The following MCOLN1 variants were observed in gnomAD, a reference collection of about 807,000 sequenced individuals.
The protein encoded by MCOLN1 is mucolipin TRP cation channel 1.
MCOLN1 carries 50 observed loss-of-function variants against 70.3 expected under a neutral mutation model. That is an observed-to-expected ratio of 0.71 (90% CI 0.57 to 0.90). The LOEUF is 0.90. Among genes scored for constraint, MCOLN1 ranks in the 40% least tolerant of loss-of-function variants. MCOLN1 has a pLI of 0.00. For synonymous variants in MCOLN1, 366 were observed against 341.0 expected (o/e 1.07, Z -0.81); for missense variants, 598 against 803.5 (o/e 0.74, Z 3.09).
rs751832883 is a variant in MCOLN1, at chr19:7,528,699, A to G, written c.980A>G (p.Gln327Arg). The change falls in exon 8 of 14, where the codon CAG becomes CGG. Residue 327 changes from glutamine (Q) to arginine (R), a missense_variant. Transcript: ENST00000264079. This position sits in a 1 kb window ranked among gnomAD's most constrained non-coding sequence, Gnocchi z 4.2. ...ARSLLRGFLL[Q>R]NEFVGFMWRQ... ...TCACTCCTTCGAGGCTTCCTGCTGCAGAACGTGAGGCTTCTGCGTCATGTG... is the reference window on the plus strand; with the variant it reads ...TCACTCCTTCGAGGCTTCCTGCTGCGGAACGTGAGGCTTCTGCGTCATGTG... 3.7e-6 allele frequency: 6 copies of G among 1,614,158 alleles called. No individual in the cohort carries two copies. In the South Asian group the frequency reaches 6.6e-5, roughly 18 times the overall value.
rs757319816 is a variant in MCOLN1 at position 7,533,608 on chromosome 19, G to A, written c.1661G>A (p.Arg554His). ...GACAGCCCCACCTCCGGCAAGTTCCGCCGCGGGAGCGGCTCGGCCTGCAGC... is the reference window on the plus strand; with the variant it reads ...GACAGCCCCACCTCCGGCAAGTTCCACCGCGGGAGCGGCTCGGCCTGCAGC... ...CQDSPTSGKF[R>H]RGSGSACSLL... The change falls in exon 13 of 14, where the codon CGC becomes CAC. Residue 554 changes from arginine to histidine, a missense_variant. Coordinates refer to ENST00000264079, the MANE Select transcript of MCOLN1 (RefSeq NM_020533.3). 20 of 1,613,472 alleles carry A rather than the reference G, an allele frequency of 1.2e-5. No homozygotes were observed. In the East Asian group the frequency reaches 4.5e-4, roughly 36 times the overall value.
At position 7,526,735 on chromosome 19, in the gene MCOLN1, C is replaced by T. The variant is rs754911755; in HGVS notation, c.406-26C>T. 1.9e-5 allele frequency: 31 copies of T among 1,612,516 alleles called. No individual in the cohort carries two copies. Among genetic ancestry groups the T allele is most frequent in the Middle Eastern group, 1.9e-4 (1 of 5,266 alleles). The stretch of plus-strand genomic sequence containing the variant: ...GGCTGCAGAGAGCGGGCCGGACTCA[C>T]AGGCCCTCCCCTTCTCTGCCCACAG... On this transcript the variant is annotated intron_variant, in intron 3 of 13. Transcript: ENST00000264079. The surrounding 1 kb of genome is among the most constrained non-coding windows in gnomAD (Gnocchi z 4.6).
In MCOLN1 at chr19:7,530,378, G is replaced by A; in HGVS notation, c.1452G>A (p.Gln484=). 6.2e-7 allele frequency: 1 copy of A among 1,613,930 alleles called. No individual in the cohort carries two copies. Among genetic ancestry groups the A allele is most frequent in the South Asian group, 1.1e-5 (1 of 91,090 alleles). ...FVTFAAMQAQ[Q]GRSSLVWLFS... The stretch of plus-strand genomic sequence containing the variant: ...CGTTCGCCGCCATGCAGGCGCAGCA[G>A]GGCCGCAGCAGCCTGGTGTGGCTCT... The change falls in exon 12 of 14, where the codon CAG becomes CAA. Residue 484 remains glutamine (Q), a synonymous_variant. Coordinates refer to ENST00000264079, the MANE Select transcript of MCOLN1 (RefSeq NM_020533.3).
Position 7,524,861 on chromosome 19 carries a change from G to T in MCOLN1, c.32-100G>T. The T allele has an allele frequency of 1.1e-6, 1 of 949,442 alleles. No homozygotes were observed. Among genetic ancestry groups the T allele is most frequent in the African/African-American group, 1.6e-5 (1 of 61,490 alleles). The allele number at this position is 949,442 out of a possible 1,614,324, so 58.8% of individuals were successfully genotyped here. A position where few individuals can be genotyped will look rare whatever the true frequency, so the allele number is the denominator to read the frequency against. ...CAGAGCTCTTCCTTGGCAGGAGCATGGGGACATGAAGATAGGGCGTGTGCT... is the reference window on the plus strand; with the variant it reads ...CAGAGCTCTTCCTTGGCAGGAGCATTGGGACATGAAGATAGGGCGTGTGCT... On this transcript the variant is annotated intron_variant, in intron 1 of 13. Coordinates refer to ENST00000264079, the MANE Select transcript of MCOLN1 (RefSeq NM_020533.3). This position sits in a 1 kb window ranked among gnomAD's most constrained non-coding sequence, Gnocchi z 4.1.
At chr19:7,527,823 C>G in intron 5 of MCOLN1, 41 bp from the exon 6 acceptor site, 1 of 1,511,292 alleles carries the variant, frequency 6.6e-7, no homozygotes, top group Admixed American at 1.7e-5. Context: ...CCGGAAGGGA[C>G]CCGAAGACGC....
chr19:7,527,283 A>C (rs1001243602), intron 4 of MCOLN1: 42 of 544,406 alleles, frequency 7.7e-5, no homozygotes, highest in Middle Eastern at 5.1e-4. Flanking sequence ...AAAAAAAAAA[A>C]AAAAAAAAAA....
chr19:7,532,998 G>A (rs1001906028), intron 12 of MCOLN1, among the ~76,000 whole-genome samples: 1 of 152,240 alleles, frequency 6.6e-6, no homozygotes, highest in African/African-American at 2.4e-5. Flanking sequence ...GTGAGAGGAA[G>A]GAAGCCTTGG....
At position 7,524,188 on chromosome 19, in the gene MCOLN1, G is replaced by C. The variant is rs902739983; in HGVS notation, c.32-773G>C. Among the ~76,000 whole-genome samples, 4 of 152,166 alleles carry C rather than the reference G, an allele frequency of 2.6e-5. No individual in the cohort carries two copies. Among genetic ancestry groups the C allele is most frequent in the African/African-American group, 9.7e-5 (4 of 41,422 alleles). ...AAAATTTCCACTCTTCAGATGAGGAGATGGAGGCTCAGGGAGGTACCTGGA... is the reference window on the plus strand; with the variant it reads ...AAAATTTCCACTCTTCAGATGAGGACATGGAGGCTCAGGGAGGTACCTGGA... On this transcript the variant is annotated intron_variant, in intron 1 of 13. Coordinates refer to ENST00000264079, the MANE Select transcript of MCOLN1 (RefSeq NM_020533.3). This position sits in a 1 kb window ranked among gnomAD's most constrained non-coding sequence, Gnocchi z 4.1.
chr19:7,532,883 G>A (rs1393862892), intron 12 of MCOLN1, among the ~76,000 whole-genome samples: 1 of 152,192 alleles, frequency 6.6e-6, no homozygotes, highest in African/African-American at 2.4e-5. Flanking sequence ...CTAGACTGAA[G>A]AGATGGGAGC....
At position 7,529,633 on chromosome 19, in the gene MCOLN1, G is replaced by A; in HGVS notation, c.1280G>A (p.Arg427His). ...TLRVALPSVM[R>H]FCCCVAVIYL... The stretch of plus-strand genomic sequence containing the variant: ...CGGGTGGCCCTGCCCAGCGTCATGC[G>A]CTTCTGCTGCTGCGTGGCTGTCATC... Residue 427 changes from arginine to histidine, a missense_variant, in exon 11 of 14, where the codon CGC (arginine) becomes CAC (histidine). Physicochemically the swap from Arg to His is conservative, Grantham distance 29. Coordinates refer to ENST00000264079, the MANE Select transcript of MCOLN1 (RefSeq NM_020533.3). 1.9e-6 allele frequency: 3 copies of A among 1,614,096 alleles called. No homozygotes were observed. The highest frequency in any genetic ancestry group is 2.5e-6 in the Non-Finnish European group (3 of 1,179,978).
In MCOLN1 at chr19:7,528,540, C is replaced by T. The variant is rs1257192960; in HGVS notation, c.878-57C>T. 2.5e-5 allele frequency: 40 copies of T among 1,608,688 alleles called. No homozygotes were observed. In the East Asian group the frequency reaches 8.7e-4, roughly 35 times the overall value. ...TCTCCAGCCTGGCCTGGCACCAATG[C>T]TAGCCTCCCAAGGCTCCATGCCATC... is the stretch of plus-strand genomic sequence containing the variant. On this transcript the variant is annotated intron_variant, in intron 7 of 13. Coordinates refer to ENST00000264079, the MANE Select transcript of MCOLN1 (RefSeq NM_020533.3). This position sits in a 1 kb window ranked among gnomAD's most constrained non-coding sequence, Gnocchi z 4.2.
At chr19:7,531,208 A>T (rs575901036) in intron 12 of MCOLN1, among the ~76,000 whole-genome samples, 14 of 146,034 alleles carry the variant, frequency 9.6e-5, no homozygotes, top group South Asian at 4.4e-4. Flanking sequence ...TATTATTATT[A>T]TTTTTTTTTT....
rs2022557192 is a variant in MCOLN1, at chr19:7,525,549, A to G, written c.237+383A>G. Reference sequence around the variant, plus strand: ...GAGGTTAGGAGACTTGCCCAAAGTCACACAGCAATAGAACATTGGGAGCTG... The same window carrying G: ...GAGGTTAGGAGACTTGCCCAAAGTCGCACAGCAATAGAACATTGGGAGCTG... On this transcript the variant is annotated intron_variant, in intron 2 of 13. Transcript: ENST00000264079. This position sits in a 1 kb window ranked among gnomAD's most constrained non-coding sequence, Gnocchi z 4.2. 6.8e-6 allele frequency: 2 copies of G among 292,006 alleles called. No individual in the cohort carries two copies. The highest frequency in any genetic ancestry group is 1.3e-5 in the Non-Finnish European group (2 of 150,368). The allele number at this position is 292,006 out of a possible 1,614,324, so 18.1% of individuals were successfully genotyped here. A position where few individuals can be genotyped will look rare whatever the true frequency, so the allele number is the denominator to read the frequency against.
Position 7,522,790 on chromosome 19 carries a change from G to A in MCOLN1, c.31+9G>A, listed in dbSNP as rs2022513285. 7.4e-7 allele frequency: 1 copy of A among 1,343,702 alleles called. No individual in the cohort carries two copies. Among genetic ancestry groups the A allele is most frequent in the Non-Finnish European group, 9.5e-7 (1 of 1,053,548 alleles). 83.2% of individuals were successfully genotyped at this position (1,343,702 alleles called of 1,614,324 possible). On this transcript the variant is annotated intron_variant, in intron 1 of 13. Transcript: ENST00000264079. ...GGGTCCGCGCGGCTCAGGTGAGGGC[G>A]CGGGCGGCACCGTGGGGCCCCGAAC... is the stretch of plus-strand genomic sequence containing the variant.
rs749476058 is a variant in MCOLN1, at chr19:7,526,604, C to CAGGT, written c.404_405+2dup. On this transcript the variant is annotated frameshift_variant and splice_region_variant, in exon 3 of 14. Coordinates refer to ENST00000264079, the MANE Select transcript of MCOLN1 (RefSeq NM_020533.3). LOFTEE classifies it high-confidence loss of function. This position sits in a 1 kb window ranked among gnomAD's most constrained non-coding sequence, Gnocchi z 4.6. ...CCAGGCCATCTTCCATGCTGTGGAC[C>CAGGT]AGGTGCTGGTGGGCGGGCAGGTGCT... The CAGGT allele has an allele frequency of 6.2e-7, 1 of 1,610,764 alleles. No individual in the cohort carries two copies. The highest frequency in any genetic ancestry group is 1.1e-5 in the South Asian group (1 of 90,740).
At position 7,526,123 on chromosome 19, in the gene MCOLN1, G is replaced by T. The variant is rs1462859260; in HGVS notation, c.238-316G>T. 1 of 439,866 alleles carries T rather than the reference G, an allele frequency of 2.3e-6. No homozygotes were observed. Among genetic ancestry groups the T allele is most frequent in the Non-Finnish European group, 4.2e-6 (1 of 235,346 alleles). 27.2% of individuals were successfully genotyped at this position (439,866 alleles called of 1,614,324 possible). Reference sequence around the variant, plus strand: ...ACCCTGAAAGTTTGGGTTTAACACAGAATCGGACATCCAGTAAACATTTAA... The same window carrying T: ...ACCCTGAAAGTTTGGGTTTAACACATAATCGGACATCCAGTAAACATTTAA... On this transcript the variant is annotated intron_variant, in intron 2 of 13. Transcript: ENST00000264079. This position sits in a 1 kb window ranked among gnomAD's most constrained non-coding sequence, Gnocchi z 4.6.
chr19:7,530,641 T>C, intron 12 of MCOLN1, 140 bp downstream of exon 12: 1 of 903,266 alleles, frequency 1.1e-6, no homozygotes, highest in Non-Finnish European at 1.8e-6. Context: ...AAAAAGAGGG[T>C]GGTTCAGAAC....
intron 5 of MCOLN1, 29 bp from the exon 6 acceptor site, chr19:7,527,835 C>T: frequency 6.3e-7 from 1 of 1,577,488 alleles, no homozygotes; most frequent in Non-Finnish European, 8.7e-7. Context: ...CGAAGACGCC[C>T]CTGACCCTCA....
rs368373692 is a variant in MCOLN1, at chr19:7,524,033, A to C, written c.32-928A>C. 2.0e-5 allele frequency among the ~76,000 whole-genome samples: 3 copies of C among 152,150 alleles called. No homozygotes were observed. The highest frequency in any genetic ancestry group is 7.2e-5 in the African/African-American group (3 of 41,420). On this transcript the variant is annotated intron_variant, in intron 1 of 13. Coordinates refer to ENST00000264079, the MANE Select transcript of MCOLN1 (RefSeq NM_020533.3). The surrounding 1 kb of genome is among the most constrained non-coding windows in gnomAD (Gnocchi z 4.1). The stretch of plus-strand genomic sequence containing the variant: ...AGCCGTCACACCTGACTATTTAAAA[A>C]AAATGTTTTTTTTTTGTAGACAGGG...
Sources: allele counts gnomAD v4.1 joint callset (sites outside exome capture counted in the v4.1 genomes callset), GRCh38; gene constraint gnomAD v4.1.1; non-coding constraint Gnocchi (gnomAD v3.1); transcripts MANE v1.5; gene names NCBI Gene and HGNC (gene_info 2026-07-23, HGNC 2026-07-21).